Variants in CTTNBP2NL observed in about 807,000 individuals in gnomAD.
CTTNBP2NL encodes the protein CTTNBP2 N-terminal-like protein.
Under a neutral mutation model 32.5 loss-of-function variants are expected in CTTNBP2NL, and 16 were observed. The ratio of observed to expected loss-of-function variants is 0.49; its 90% confidence interval spans 0.33 to 0.75. CTTNBP2NL has a LOEUF of 0.75. CTTNBP2NL is among the 30% of genes least tolerant of loss of function. The pLI is 0.02. For missense variants in CTTNBP2NL, 645 were observed against 756.0 expected (o/e 0.85, Z 1.72); for synonymous variants, 298 against 289.4 (o/e 1.03, Z -0.30).
chr1:112,456,698 G>A lies in CTTNBP2NL; in HGVS notation c.1206G>A (p.Met402Ile). Reference sequence around the variant, plus strand: ...TGGGGATTGAGACTCCAGTCCCAATGCCCAGTCCCCTCTCTTCCAGTGGGA... The same window carrying A: ...TGGGGATTGAGACTCCAGTCCCAATACCCAGTCCCCTCTCTTCCAGTGGGA... ...CPVGIETPVP[M>I]PSPLSSSGSS... is the part of the protein sequence containing the mutation. The change falls in exon 6 of 6, where the codon ATG becomes ATA. Residue 402 changes from methionine (M) to isoleucine (I), a missense_variant. Transcript: ENST00000271277. The A allele has an allele frequency of 1.2e-6, 2 of 1,614,066 alleles. No homozygotes were observed. Among genetic ancestry groups the A allele is most frequent in the South Asian group, 1.1e-5 (1 of 91,074 alleles).
intron 2 of CTTNBP2NL, among the ~76,000 whole-genome samples, chr1:112,414,462 A>G (rs538171681): frequency 1.4e-4 from 22 of 152,364 alleles, no homozygotes; most frequent in South Asian, 1.0e-3. Context: ...CAATCTAACA[A>G]CAAAGTGAAG....
chr1:112,398,740 G>GT (rs1462480494), intron 1 of CTTNBP2NL, among the ~76,000 whole-genome samples: 1 of 145,034 alleles, frequency 6.9e-6, no homozygotes, highest in African/African-American at 2.5e-5. Context: ...GAGCCCAGGT[G>GT]TTTGAGGTTA....
intron 1 of CTTNBP2NL, among the ~76,000 whole-genome samples, chr1:112,408,297 C>G (rs1457989539): frequency 1.4e-5 from 2 of 140,508 alleles, no homozygotes; most frequent in African/African-American, 5.6e-5. Flanking sequence ...TCCTGTTTGG[C>G]CTCCCAAAGT....
chr1:112,441,456 A>G (rs1040966920), intron 3 of CTTNBP2NL, among the ~76,000 whole-genome samples: 2 of 152,094 alleles, frequency 1.3e-5, no homozygotes, highest in Non-Finnish European at 2.9e-5. Flanking sequence ...CTGTTGATTG[A>G]TATCTGATTA....
At chr1:112,413,279 G>GA (rs1342571322) in intron 2 of CTTNBP2NL, among the ~76,000 whole-genome samples, 1 of 152,158 alleles carries the variant, frequency 6.6e-6, no homozygotes, top group Non-Finnish European at 1.5e-5. Flanking sequence ...CTAGAACCAA[G>GA]AAGGACTTCC....
In CTTNBP2NL at chr1:112,456,067, AGGCAGCCGAGGAAG is replaced by A; in HGVS notation, c.577_590del (p.Ala193ThrfsTer19). On this transcript the variant is annotated frameshift_variant, in exon 6 of 6. Coordinates refer to ENST00000271277, the MANE Select transcript of CTTNBP2NL (RefSeq NM_018704.3). LOFTEE classifies it high-confidence loss of function. ...CTTGAGTGCAAGAAAGCCACCAACA[AGGCAGCCGAGGAAG>A]GACAGAAGGCAGGAGAGCTGAGCCT... The A allele has an allele frequency of 6.2e-7, 1 of 1,614,190 alleles. No homozygotes were observed. Among genetic ancestry groups the A allele is most frequent in the Non-Finnish European group, 8.5e-7 (1 of 1,180,028 alleles).
At chr1:112,403,102 C>A (rs553958268) in intron 1 of CTTNBP2NL, among the ~76,000 whole-genome samples, 118 of 152,244 alleles carry the variant, frequency 7.8e-4, no homozygotes, top group African/African-American at 2.6e-3. Context: ...TAAGTAAATT[C>A]TTTTTAATGT....
chr1:112,437,603 A>T (rs1032222940), intron 3 of CTTNBP2NL, among the ~76,000 whole-genome samples: 18 of 152,214 alleles, frequency 1.2e-4, no homozygotes, highest in African/African-American at 4.1e-4. Context: ...GGCTCACTGC[A>T]ACCTCTGCCT....
intron 3 of CTTNBP2NL, among the ~76,000 whole-genome samples, chr1:112,435,709 A>G (rs1437110859): frequency 6.6e-6 from 1 of 152,210 alleles, no homozygotes; most frequent in Non-Finnish European, 1.5e-5. Context: ...TGGAATATGT[A>G]CTTTTGCTCA....
In CTTNBP2NL at chr1:112,449,129, G is replaced by T. The variant is rs751719840; in HGVS notation, c.287G>T (p.Arg96Leu). Residue 96 changes from arginine (R) to leucine (L), a missense_variant, in exon 4 of 6, where the codon CGC (arginine) becomes CTC (leucine). Arg to Leu is a moderately radical substitution (Grantham distance 102). Transcript: ENST00000271277. ...AAGCAGTGCAAGAACATGCAGGAGC[G>T]CATGCTGTCCCAGCTGGCTGCTGCT... is the stretch of plus-strand genomic sequence containing the variant. ...VMKQCKNMQE[R>L]MLSQLAAAES... 2.5e-6 allele frequency: 4 copies of T among 1,613,328 alleles called. No homozygotes were observed. In the African/African-American group the frequency reaches 5.3e-5, roughly 22 times the overall value.
At chr1:112,448,510 T>C (rs1311672662) in intron 3 of CTTNBP2NL, among the ~76,000 whole-genome samples, 1 of 152,204 alleles carries the variant, frequency 6.6e-6, no homozygotes, top group Non-Finnish European at 1.5e-5. Context: ...GCTGGTAATA[T>C]AAGCATTCAT....
At chr1:112,400,966 C>CAAAA (rs56784970) in intron 1 of CTTNBP2NL, among the ~76,000 whole-genome samples, 5 of 102,880 alleles carry the variant, frequency 4.9e-5, no homozygotes, top group African/African-American at 1.2e-4. Flanking sequence ...ACTCTGTCAC[C>CAAAA]AAAAAAAAAA....
intron 3 of CTTNBP2NL, among the ~76,000 whole-genome samples, chr1:112,446,843 G>A (rs1650057407): frequency 6.6e-6 from 1 of 152,244 alleles, no homozygotes; most frequent in South Asian, 2.1e-4. Flanking sequence ...AGATGCTGCG[G>A]CCGGCTATTC....
Position 112,421,266 on chromosome 1 carries a change from T to C in CTTNBP2NL, c.99+5002T>C, listed in dbSNP as rs116007777. On this transcript the variant is annotated intron_variant, in intron 3 of 5. Coordinates refer to ENST00000271277, the MANE Select transcript of CTTNBP2NL (RefSeq NM_018704.3). ...GACTCCTAGCCTGAAGTGCTAAGAG[T>C]TTGAGTCTAGCCTTTGCAACATAAT... Among the ~76,000 whole-genome samples, 1,080 of 151,124 alleles carry C rather than the reference T, an allele frequency of 7.1e-3. 10 individuals are homozygous for C. The highest frequency in any genetic ancestry group is 0.025 in the African/African-American group (1,034 of 41,244).
chr1:112,411,792 C>T (rs984059731), intron 1 of CTTNBP2NL, among the ~76,000 whole-genome samples: 1 of 152,058 alleles, frequency 6.6e-6, no homozygotes, highest in South Asian at 2.1e-4. Flanking sequence ...ACGCCATTCT[C>T]CTGCCTTAGC....
chr1:112,450,293 C>T (rs2101031210), intron 4 of CTTNBP2NL, among the ~76,000 whole-genome samples: 1 of 152,196 alleles, frequency 6.6e-6, no homozygotes, highest in East Asian at 1.9e-4. Context: ...TTCCACAGTC[C>T]CCCAGAAAAT....
rs773982994 is a variant in CTTNBP2NL, at chr1:112,457,293, A to G, written c.1801A>G (p.Lys601Glu). ...TCCATCTGCTACCACTCCATTGACCAAAACTCATTCCCAGGCAGCCTCTTT... is the reference window on the plus strand; with the variant it reads ...TCCATCTGCTACCACTCCATTGACCGAAACTCATTCCCAGGCAGCCTCTTT... ...PSPSATTPLT[K>E]THSQAASLTT... is the part of the protein sequence containing the mutation. Residue 601 changes from lysine (K) to glutamate (E), a missense_variant, in exon 6 of 6, where the codon AAA (lysine) becomes GAA (glutamate). By Grantham distance (56) the Lys-to-Glu change is moderately conservative. Transcript: ENST00000271277. 41 of 1,614,004 alleles carry G rather than the reference A, an allele frequency of 2.5e-5. 2 individuals are homozygous for G. In the South Asian group the frequency reaches 4.4e-4, roughly 17 times the overall value.
intron 2 of CTTNBP2NL, among the ~76,000 whole-genome samples, chr1:112,412,607 C>A (rs1004435640): frequency 7.9e-6 from 1 of 126,524 alleles, no homozygotes; most frequent in Non-Finnish European, 1.6e-5. Context: ...TGAGTTGGTA[C>A]CTTTTTTTTT....
In CTTNBP2NL at chr1:112,456,963, C is replaced by T; in HGVS notation, c.1471C>T (p.Leu491Phe). 1.2e-6 allele frequency: 2 copies of T among 1,614,130 alleles called. No homozygotes were observed. The highest frequency in any genetic ancestry group is 1.7e-6 in the Non-Finnish European group (2 of 1,180,028). Residue 491 changes from leucine to phenylalanine, a missense_variant, in exon 6 of 6, where the codon CTC (leucine) becomes TTC (phenylalanine). Coordinates refer to ENST00000271277, the MANE Select transcript of CTTNBP2NL (RefSeq NM_018704.3). ...SPPSRDLSPT[L>F]IDNSAAKQLA... Reference sequence around the variant, plus strand: ...TCCATCCAGGGATTTATCCCCCACCCTCATAGACAACTCTGCCGCCAAGCA... The same window carrying T: ...TCCATCCAGGGATTTATCCCCCACCTTCATAGACAACTCTGCCGCCAAGCA...
Sources: gnomAD v4.1 joint callset for allele counts (sites outside exome capture counted in the v4.1 genomes callset) on GRCh38, gnomAD v4.1.1 for gene constraint, MANE v1.5 for transcripts, NCBI Gene and HGNC (gene_info 2026-07-23, HGNC 2026-07-21) for gene names.